The following OTUB2 variants were observed in gnomAD, a reference collection of about 807,000 sequenced individuals.
OTUB2 encodes the protein ubiquitin thioesterase OTUB2.
In OTUB2, 21 loss-of-function variants were observed where a neutral mutation model predicts 25.1. The observed-to-expected ratio is 0.84, with a 90% CI of 0.59 to 1.21. OTUB2 has a LOEUF of 1.21. OTUB2 is among the 50% of genes most tolerant of loss of function. The probability of loss-of-function intolerance (pLI) is 0.00; values close to 1 mark genes in which losing one functional copy is unlikely to be tolerated. For synonymous variants in OTUB2, 122 were observed against 122.8 expected, an observed-to-expected ratio of 0.99 and a Z score of 0.04; for missense variants, 283 against 298.0, an observed-to-expected ratio of 0.95 and a Z score of 0.37.
Position 94,046,292 on chromosome 14 carries a change from C to T in OTUB2, c.*370C>T. 1 of 323,808 alleles carries T rather than the reference C, an allele frequency of 3.1e-6. No homozygotes were observed. Among genetic ancestry groups the T allele is most frequent in the South Asian group, 3.7e-5 (1 of 26,790 alleles). 20.1% of individuals were successfully genotyped at this position (323,808 alleles called of 1,614,324 possible). A position where few individuals can be genotyped will look rare whatever the true frequency, so the allele number is the denominator to read the frequency against. Reference sequence around the variant, plus strand: ...GCCTCTGGTGTCTCTTTACCAGGGGCAGTGCCTCTCTGCGGGGGAGGAAAA... The same window carrying T: ...GCCTCTGGTGTCTCTTTACCAGGGGTAGTGCCTCTCTGCGGGGGAGGAAAA... On this transcript the variant is annotated 3_prime_UTR_variant, in exon 6 of 6. Coordinates refer to ENST00000203664, the MANE Select transcript of OTUB2 (RefSeq NM_023112.4).
At chr14:94,045,462 G>A (rs1220340130) in intron 5 of OTUB2, among the ~76,000 whole-genome samples, 3 of 152,200 alleles carry the variant, frequency 2.0e-5, no homozygotes, top group African/African-American at 7.2e-5. Context: ...GCTGTCAGGT[G>A]TAACTACAAG....
At chr14:94,032,183 C>T (rs764484070) in intron 1 of OTUB2, among the ~76,000 whole-genome samples, 37 of 152,258 alleles carry the variant, frequency 2.4e-4, no homozygotes, top group African/African-American at 8.2e-4. Context: ...CCCTTGTCCC[C>T]AGGTCCCCCA....
In OTUB2 at chr14:94,046,820, G is replaced by C. The variant is rs1306054812; in HGVS notation, c.*898G>C. The C allele has an allele frequency of 6.5e-6, 1 of 152,748 alleles. No homozygotes were observed. The highest frequency in any genetic ancestry group is 1.5e-5 in the Non-Finnish European group (1 of 68,190). 9.5% of individuals were successfully genotyped at this position (152,748 alleles called of 1,614,324 possible). A position where few individuals can be genotyped will look rare whatever the true frequency, so the allele number is the denominator to read the frequency against. On this transcript the variant is annotated 3_prime_UTR_variant, in exon 6 of 6. Coordinates refer to ENST00000203664, the MANE Select transcript of OTUB2 (RefSeq NM_023112.4). The stretch of plus-strand genomic sequence containing the variant: ...ACAGCCATGGACCCAGCTGAGCAGA[G>C]CAGACGCTTTGCAGGCTGCCCCTGG...
At chr14:94,036,740 G>A (rs554092370) in intron 1 of OTUB2, among the ~76,000 whole-genome samples, 187 of 152,214 alleles carry the variant, frequency 1.2e-3, no homozygotes, top group African/African-American at 4.0e-3. Flanking sequence ...AACTTTCGCC[G>A]GTAGGTGGTG....
chr14:94,043,356 T>C lies in OTUB2; in HGVS notation c.219-615T>C, dbSNP rs117264572. 1.2e-3 allele frequency among the ~76,000 whole-genome samples: 180 copies of C among 152,276 alleles called. 3 individuals carry two copies. The South Asian group carries it at 0.017, about 15-fold the overall frequency. The stretch of plus-strand genomic sequence containing the variant: ...CTTGTGGGAGGCAGCCCTTCCTCCA[T>C]ACCTCGTTGCTGCCACTAAACTTGG... On this transcript the variant is annotated intron_variant, in intron 3 of 5. Coordinates refer to ENST00000203664, the MANE Select transcript of OTUB2 (RefSeq NM_023112.4).
rs748434214 is a variant in OTUB2, at chr14:94,043,983, C to T, written c.231C>T (p.Arg77=). ...TCCCCCTCTGTAGGTTCAAAGAACG[C>T]GTACTGCAGACCCCAAATGACCTTC... ...KSREIFKFKE[R]VLQTPNDLLA... is the part of the protein sequence containing the mutation. The change falls in exon 4 of 6, where the codon CGC becomes CGT. Residue 77 remains arginine, a synonymous_variant. Coordinates refer to ENST00000203664, the MANE Select transcript of OTUB2 (RefSeq NM_023112.4). 24 of 1,614,008 alleles carry T rather than the reference C, an allele frequency of 1.5e-5. No individual in the cohort carries two copies. The highest frequency in any genetic ancestry group is 1.3e-4 in the South Asian group (12 of 91,088).
chr14:94,039,560 G>A (rs1885120015), intron 3 of OTUB2: 1 of 160,802 alleles, frequency 6.2e-6, no homozygotes, highest in Admixed American at 5.9e-5. Context: ...CTAGTTCAGG[G>A]CTTCTCATAT....
intron 5 of OTUB2, 74 bp from the exon 6 acceptor site, chr14:94,045,642 G>A (rs1231252770): frequency 1.6e-5 from 23 of 1,442,958 alleles, no homozygotes; most frequent in Non-Finnish European, 2.2e-5. Flanking sequence ...GACCCTGAGA[G>A]CCAGAGCTGA....
rs1301351539 is a variant in OTUB2, at chr14:94,046,500, A to G, written c.*578A>G. Reference sequence around the variant, plus strand: ...TCCTACCCCTAACTTAAGGAGAAAAAAAAAAAGACTTCCTTTTTTTGCCAA... The same window carrying G: ...TCCTACCCCTAACTTAAGGAGAAAAGAAAAAAGACTTCCTTTTTTTGCCAA... On this transcript the variant is annotated 3_prime_UTR_variant, in exon 6 of 6. Coordinates refer to ENST00000203664, the MANE Select transcript of OTUB2 (RefSeq NM_023112.4). The G allele has an allele frequency of 6.5e-6, 1 of 153,200 alleles. No homozygotes were observed. 9.5% of individuals were successfully genotyped at this position (153,200 alleles called of 1,614,324 possible).
chr14:94,034,141 G>A (rs1370725028), intron 1 of OTUB2, among the ~76,000 whole-genome samples: 1 of 152,208 alleles, frequency 6.6e-6, no homozygotes, highest in Admixed American at 6.5e-5. Flanking sequence ...CAGAAGGCTT[G>A]AAGGAAGTGG....
intron 1 of OTUB2, among the ~76,000 whole-genome samples, chr14:94,033,213 T>A (rs8007956): frequency 0.016 from 2,361 of 152,234 alleles, 62 homozygotes; most frequent in African/African-American, 0.053. Context: ...CCCGGCCCTA[T>A]GTAATATTTT....
At chr14:94,043,029 C>A (rs1422886995) in intron 3 of OTUB2, among the ~76,000 whole-genome samples, 3 of 152,222 alleles carry the variant, frequency 2.0e-5, no homozygotes, top group Admixed American at 6.5e-5. Context: ...CAGGACCAGG[C>A]AGGGGCAAGC....
chr14:94,038,625 C>T (rs1885102929), intron 2 of OTUB2, among the ~76,000 whole-genome samples: 1 of 151,762 alleles, frequency 6.6e-6, no homozygotes, highest in East Asian at 1.9e-4. Context: ...GTGCTGCTCC[C>T]CCAGGAAGGC....
At chr14:94,028,589 G>A (rs528535183) in intron 1 of OTUB2, among the ~76,000 whole-genome samples, 2 of 152,324 alleles carry the variant, frequency 1.3e-5, no homozygotes, top group Admixed American at 6.5e-5. Context: ...CAGGAAAACC[G>A]CAGGGTCCTA....
chr14:94,031,242 A>G (rs1371363152), intron 1 of OTUB2, among the ~76,000 whole-genome samples: 1 of 151,752 alleles, frequency 6.6e-6, no homozygotes, highest in Non-Finnish European at 1.5e-5. Flanking sequence ...ATCTCAGAAA[A>G]AAAAAAAAAA....
intron 1 of OTUB2, 94 bp downstream of exon 1, chr14:94,026,634 C>A: frequency 2.5e-6 from 3 of 1,179,666 alleles, no homozygotes; most frequent in Middle Eastern, 3.2e-4. Context: ...GGACGGGGGT[C>A]GGACGCGAGG....
chr14:94,038,583 T>C (rs1215112179), intron 2 of OTUB2, among the ~76,000 whole-genome samples: 48 of 22,068 alleles, frequency 2.2e-3, no homozygotes, highest in African/African-American at 8.0e-3. Flanking sequence ...TGCAACCCCC[T>C]ACCCCCTACT....
intron 3 of OTUB2, among the ~76,000 whole-genome samples, chr14:94,041,348 G>T (rs1885157746): frequency 6.6e-6 from 1 of 152,158 alleles, no homozygotes; most frequent in African/African-American, 2.4e-5. Flanking sequence ...GTGGGCAGTG[G>T]AGGTATAAGG....
Position 94,026,509 on chromosome 14 carries a change from C to A in OTUB2, c.-29C>A. 1 of 1,284,948 alleles carries A rather than the reference C, an allele frequency of 7.8e-7. No homozygotes were observed. Among genetic ancestry groups the A allele is most frequent in the South Asian group, 2.3e-5 (1 of 43,900 alleles). The allele number at this position is 1,284,948 out of a possible 1,614,324, so 79.6% of individuals were successfully genotyped here. A position where few individuals can be genotyped will look rare whatever the true frequency, so the allele number is the denominator to read the frequency against. ...CGCACCGGATCGCTCCTCGCTGGGG[C>A]GGGACCTGGCCTGGCGGCTCTGGTC... On this transcript the variant is annotated 5_prime_UTR_variant, in exon 1 of 6. Coordinates refer to ENST00000203664, the MANE Select transcript of OTUB2 (RefSeq NM_023112.4).
Sources: allele counts gnomAD v4.1 joint callset (sites outside exome capture counted in the v4.1 genomes callset), GRCh38; gene constraint gnomAD v4.1.1; transcripts MANE v1.5; gene names NCBI Gene and HGNC (gene_info 2026-07-23, HGNC 2026-07-21).